SHANK1: variants seen among roughly 807,000 people sequenced by gnomAD.
The protein encoded by SHANK1 is SH3 and multiple ankyrin repeat domains 1.
Under a neutral mutation model 165.6 loss-of-function variants are expected in SHANK1, and 35 were observed. That is an observed-to-expected ratio of 0.21 (90% CI 0.16 to 0.28). The LOEUF (loss-of-function observed/expected upper bound fraction) is 0.28. Among genes scored for constraint, SHANK1 ranks in the 10% least tolerant of loss-of-function variants. The pLI, the probability that SHANK1 is intolerant of heterozygous loss-of-function variation, is 1.00. For synonymous variants in SHANK1, 1,428 were observed against 1,384.8 expected (o/e 1.03, Z -0.69); for missense variants, 2,681 against 3,036.4 (o/e 0.88, Z 2.75).
intron 15 of SHANK1, among the ~76,000 whole-genome samples, chr19:50,695,207 C>A (rs1014699259): frequency 1.5e-5 from 2 of 137,690 alleles, no homozygotes; most frequent in Admixed American, 1.4e-4. Flanking sequence ...GGGCGCGCAC[C>A]CCCTCCCGCG....
At chr19:50,695,276 G>C (rs1986699301) in intron 15 of SHANK1, among the ~76,000 whole-genome samples, 1 of 146,994 alleles carries the variant, frequency 6.8e-6, no homozygotes, top group Admixed American at 6.7e-5. Flanking sequence ...CGGGGCGCGG[G>C]GTCGGGCCGC....
At chr19:50,707,375 T>C (rs1235907644) in intron 8 of SHANK1, among the ~76,000 whole-genome samples, 2 of 152,160 alleles carry the variant, frequency 1.3e-5, no homozygotes, top group African/African-American at 4.8e-5. Flanking sequence ...CCCAGCGCCC[T>C]CTGATGCTAA....
intron 21 of SHANK1, among the ~76,000 whole-genome samples, chr19:50,683,142 T>C (rs184263310): frequency 1.3e-4 from 20 of 152,232 alleles, no homozygotes; most frequent in African/African-American, 4.6e-4. Context: ...CTGAAAATCT[T>C]TTAACCTTAG....
chr19:50,717,236 T>C lies in SHANK1; in HGVS notation c.-43-274A>G, dbSNP rs1156949523. 6.6e-6 allele frequency among the ~76,000 whole-genome samples: 1 copy of C among 152,220 alleles called. No homozygotes were observed. Among genetic ancestry groups the C allele is most frequent in the African/African-American group, 2.4e-5 (1 of 41,462 alleles). On this transcript the variant is annotated intron_variant, in intron 1 of 23. Transcript: ENST00000293441. This position sits in a 1 kb window ranked among gnomAD's most constrained non-coding sequence, Gnocchi z 5.5. ...GCCCGCCCCCTGCGCCCCACTTTGC[T>C]GGTGACCCAGCGTGGCCGTGTCCCA...
At chr19:50,705,701 G>C (rs1207622758) in intron 8 of SHANK1, among the ~76,000 whole-genome samples, 1 of 152,186 alleles carries the variant, frequency 6.6e-6, no homozygotes, top group Admixed American at 6.5e-5. Flanking sequence ...GGAGACAGAA[G>C]CTCCCAGGTT....
chr19:50,661,549 TGTTA>T lies in SHANK1; in HGVS notation c.*412_*415del, dbSNP rs1210517471. 6.6e-6 allele frequency among the ~76,000 whole-genome samples: 1 copy of T among 150,856 alleles called. No homozygotes were observed. The highest frequency in any genetic ancestry group is 2.4e-5 in the African/African-American group (1 of 40,958). ...GGGGCCTGGAGAGAGTGGGAAGGGT[TGTTA>T]GAGGGGTGGCAGGTGGTGGAATCCG... On this transcript the variant is annotated 3_prime_UTR_variant, in exon 24 of 24. Transcript: ENST00000293441.
chr19:50,714,786 T>G (rs1400674550), intron 4 of SHANK1, among the ~76,000 whole-genome samples: 1 of 152,130 alleles, frequency 6.6e-6, no homozygotes, highest in Non-Finnish European at 1.5e-5. Context: ...CTGATATAGC[T>G]ACAATGTTAC....
intron 8 of SHANK1, among the ~76,000 whole-genome samples, chr19:50,710,721 T>C (rs1467120092): frequency 4.6e-5 from 7 of 152,186 alleles, no homozygotes; most frequent in Non-Finnish European, 7.3e-5. Context: ...GGTCCTGAAT[T>C]GCTAAAACTC....
intron 15 of SHANK1, among the ~76,000 whole-genome samples, chr19:50,696,491 G>A (rs932561506): frequency 2.0e-5 from 3 of 151,610 alleles, no homozygotes; most frequent in Admixed American, 6.6e-5. Context: ...AGGATGCTAC[G>A]CACAAGGGGA....
intron 21 of SHANK1, among the ~76,000 whole-genome samples, chr19:50,678,553 G>A (rs1986052876): frequency 6.6e-6 from 1 of 150,722 alleles, no homozygotes; most frequent in Non-Finnish European, 1.5e-5. Flanking sequence ...AGGGACCAGG[G>A]TGATGGGGGA....
In SHANK1 at chr19:50,659,646, GT is replaced by G. The variant is rs567473843; in HGVS notation, c.*2318del. On this transcript the variant is annotated 3_prime_UTR_variant, in exon 24 of 24. Transcript: ENST00000293441. ...TTTTTGTGTGTTCTAGGGGTTTTGTGTTTTTTTTTTCTGTTTTTTATATTTT... is the reference window on the plus strand; with the variant it reads ...TTTTTGTGTGTTCTAGGGGTTTTGTGTTTTTTTTTCTGTTTTTTATATTTT... Among the ~76,000 whole-genome samples, 17 of 138,324 alleles carry G rather than the reference GT, an allele frequency of 1.2e-4. No homozygotes were observed. Among genetic ancestry groups the G allele is most frequent in the East Asian group, 4.3e-4 (2 of 4,694 alleles). The allele number at this position is 138,324 out of a possible 152,430, so 90.7% of individuals were successfully genotyped here. A position where few individuals can be genotyped will look rare whatever the true frequency, so the allele number is the denominator to read the frequency against.
At chr19:50,700,093 G>A (rs542709642) in intron 12 of SHANK1, among the ~76,000 whole-genome samples, 1 of 139,082 alleles carries the variant, frequency 7.2e-6, no homozygotes, top group African/African-American at 2.8e-5. Flanking sequence ...TGGAGGGATC[G>A]GGGCATTGGG....
chr19:50,715,424 G>C (rs2089058499), intron 4 of SHANK1, among the ~76,000 whole-genome samples: 1 of 151,958 alleles, frequency 6.6e-6, no homozygotes. Context: ...CAGGCAGAGG[G>C]ATGAAGGGCA....
At chr19:50,679,997 CAG>C in intron 21 of SHANK1, among the ~76,000 whole-genome samples, 1 of 149,640 alleles carries the variant, frequency 6.7e-6, no homozygotes, top group East Asian at 2.0e-4. Context: ...GATGGAGAGA[CAG>C]AGAGACAATG....
chr19:50,667,999 C>T lies in SHANK1; in HGVS notation c.3961G>A (p.Gly1321Arg). 2.0e-6 allele frequency: 3 copies of T among 1,473,630 alleles called. No homozygotes were observed. Among genetic ancestry groups the T allele is most frequent in the Non-Finnish European group, 2.7e-6 (3 of 1,118,244 alleles). 91.3% of individuals were successfully genotyped at this position (1,473,630 alleles called of 1,614,324 possible). The change falls in exon 23 of 24, where the codon GGG becomes AGG. Residue 1321 changes from glycine to arginine, a missense_variant. By Grantham distance (125) the Gly-to-Arg change is moderately radical. This residue lies in a region of SHANK1 where 1,713 missense variants were observed against 1,630.2 expected (regional missense o/e 1.05). Transcript: ENST00000293441. This position sits in a 1 kb window ranked among gnomAD's most constrained non-coding sequence, Gnocchi z 5.7. ...GGYGAGSRAY[G>R]GGGGSSAFTS... ...AAGGCGCTGCTGCCCCCGCCACCCC[C>T]GTAGGCTCGGCTACCGGCCCCGTAG...
At chr19:50,700,156 C>T (rs116170410) in intron 12 of SHANK1, among the ~76,000 whole-genome samples, 49 of 70,722 alleles carry the variant, frequency 6.9e-4, no homozygotes, top group African/African-American at 2.5e-3. Context: ...TTGGAAGGCT[C>T]GGGCACTGGA....
At position 50,667,843 on chromosome 19, in the gene SHANK1, C is replaced by G. The variant is rs1258375515; in HGVS notation, c.4117G>C (p.Ala1373Pro). 3.9e-6 allele frequency: 5 copies of G among 1,294,536 alleles called. No individual in the cohort carries two copies. The Admixed American group carries it at 1.3e-4, about 33-fold the overall frequency. 80.2% of individuals were successfully genotyped at this position (1,294,536 alleles called of 1,614,324 possible). A position where few individuals can be genotyped will look rare whatever the true frequency, so the allele number is the denominator to read the frequency against. The change falls in exon 23 of 24, where the codon GCC (alanine) becomes CCC (proline). Residue 1373 changes from alanine to proline, a missense_variant. Transcript: ENST00000293441. This position sits in a 1 kb window ranked among gnomAD's most constrained non-coding sequence, Gnocchi z 5.7. ...ALKESSEGGGAPQPPPRPPSP... is the reference protein window; with the variant it reads ...ALKESSEGGGPPQPPPRPPSP... Reference sequence around the variant, plus strand: ...GGGGGCCTGGGAGGCGGCTGGGGGGCCCCGCCGCCCTCCGAGGACTCCTTC... The same window carrying G: ...GGGGGCCTGGGAGGCGGCTGGGGGGGCCCGCCGCCCTCCGAGGACTCCTTC...
chr19:50,681,419 G>C (rs1986175925), intron 21 of SHANK1, among the ~76,000 whole-genome samples: 1 of 152,110 alleles, frequency 6.6e-6, no homozygotes, highest in South Asian at 2.1e-4. Flanking sequence ...TTCATTTCTA[G>C]GAGGCAGGGG....
intron 21 of SHANK1, among the ~76,000 whole-genome samples, chr19:50,676,456 G>C (rs1985988572): frequency 6.6e-6 from 1 of 152,030 alleles, no homozygotes; most frequent in Admixed American, 6.6e-5. Context: ...CTGAGGTGAA[G>C]GTGAGCCAGG....
Sources: allele counts gnomAD v4.1 joint callset (sites outside exome capture counted in the v4.1 genomes callset), GRCh38; gene constraint gnomAD v4.1.1; regional missense constraint gnomAD v4.1.1; non-coding constraint Gnocchi (gnomAD v3.1); transcripts MANE v1.5; gene names NCBI Gene and HGNC (gene_info 2026-07-23, HGNC 2026-07-21).